DTX4: variants seen among roughly 807,000 people sequenced by gnomAD.
DTX4 encodes E3 ubiquitin-protein ligase DTX4.
DTX4 carries 28 observed loss-of-function variants against 57.6 expected under a neutral mutation model. That is an observed-to-expected ratio of 0.49 (90% CI 0.36 to 0.67). DTX4 has a LOEUF of 0.67. Ranked by LOEUF, DTX4 falls within the 30% of genes least tolerant of loss-of-function variation. The pLI is 0.00. For missense variants in DTX4, 715 were observed against 836.8 expected, an observed-to-expected ratio of 0.85 and a Z score of 1.80; for synonymous variants, 316 against 331.0, an observed-to-expected ratio of 0.95 and a Z score of 0.49.
intron 8 of DTX4, among the ~76,000 whole-genome samples, chr11:59,201,020 T>C (rs565566303): frequency 4.6e-5 from 7 of 152,214 alleles, no homozygotes; most frequent in Non-Finnish European, 7.3e-5. Context: ...TTATAAACAA[T>C]AGACACTTAT....
rs1565216559 is a variant in DTX4 at position 59,182,051 on chromosome 11, C to T, written c.524C>T (p.Pro175Leu). 4.3e-6 allele frequency: 7 copies of T among 1,612,840 alleles called. No homozygotes were observed. The highest frequency in any genetic ancestry group is 5.9e-6 in the Non-Finnish European group (7 of 1,179,184). ...ACCTTGCCTAAGGCTCAGTCCTGGCCAGTCAGCCCTGGGCCAGCCACCTCG... is the reference window on the plus strand; with the variant it reads ...ACCTTGCCTAAGGCTCAGTCCTGGCTAGTCAGCCCTGGGCCAGCCACCTCG... ...TGTLPKAQSWPVSPGPATSPP... is the reference protein window; with the variant it reads ...TGTLPKAQSWLVSPGPATSPP... Residue 175 changes from proline to leucine, a missense_variant, in exon 2 of 9, where the codon CCA becomes CTA. Physicochemically the swap from Pro to Leu is moderately conservative, Grantham distance 98. Coordinates refer to ENST00000227451, the MANE Select transcript of DTX4 (RefSeq NM_015177.2).
intron 7 of DTX4, among the ~76,000 whole-genome samples, chr11:59,197,710 AAG>A (rs1862691626): frequency 6.6e-6 from 1 of 152,152 alleles, no homozygotes; most frequent in South Asian, 2.1e-4. Flanking sequence ...CGGGATAAGG[AAG>A]AGAGAGATAT....
At chr11:59,177,345 C>T (rs1862408444) in intron 1 of DTX4, among the ~76,000 whole-genome samples, 1 of 152,190 alleles carries the variant, frequency 6.6e-6, no homozygotes, top group Non-Finnish European at 1.5e-5. Context: ...CCTCAAACCT[C>T]ACTTGGAAAG....
chr11:59,189,791 T>A lies in DTX4; in HGVS notation c.1159+468T>A, dbSNP rs143883656. 2.6e-5 allele frequency among the ~76,000 whole-genome samples: 4 copies of A among 152,336 alleles called. No individual in the cohort carries two copies. The East Asian group carries it at 5.8e-4, about 22-fold the overall frequency. On this transcript the variant is annotated intron_variant, in intron 4 of 8. Coordinates refer to ENST00000227451, the MANE Select transcript of DTX4 (RefSeq NM_015177.2). Reference sequence around the variant, plus strand: ...CATGACAGTTAGGAAGTAGTCCCTGTCCTGTGTCCCCCTAGAACCTACAGA... The same window carrying A: ...CATGACAGTTAGGAAGTAGTCCCTGACCTGTGTCCCCCTAGAACCTACAGA...
chr11:59,206,509 G>GTATATATATATATATATATATATATA lies in DTX4; in HGVS notation c.*1621_*1622insATATATATATATATATATATATATAT, dbSNP rs3837398. 5 of 142,248 alleles carry GTATATATATATATATATATATATATA rather than the reference G, an allele frequency of 3.5e-5. No homozygotes were observed. Among genetic ancestry groups the GTATATATATATATATATATATATATA allele is most frequent in the African/African-American group, 1.1e-4 (4 of 37,938 alleles). The allele number at this position is 142,248 out of a possible 1,614,324, so 8.8% of individuals were successfully genotyped here. A position where few individuals can be genotyped will look rare whatever the true frequency, so the allele number is the denominator to read the frequency against. ...ATACCTCATGTTTTGGGGGTTTGAC[G>GTATATATATATATATATATATATATA]TATATATATATATATATATATGCAT... is the stretch of plus-strand genomic sequence containing the variant. On this transcript the variant is annotated 3_prime_UTR_variant, in exon 9 of 9. Transcript: ENST00000227451.
At chr11:59,195,644 G>T (rs538015268) in intron 7 of DTX4, among the ~76,000 whole-genome samples, 1 of 151,862 alleles carries the variant, frequency 6.6e-6, no homozygotes, top group East Asian at 1.9e-4. Flanking sequence ...ACATTGTTTG[G>T]CACCCTGCGC....
intron 1 of DTX4, among the ~76,000 whole-genome samples, chr11:59,179,982 A>G (rs1054407647): frequency 6.6e-6 from 1 of 152,178 alleles, no homozygotes; most frequent in Non-Finnish European, 1.5e-5. Flanking sequence ...TGGTTTCTCC[A>G]TCCTGCTTAG....
At position 59,207,611 on chromosome 11, in the gene DTX4, G is replaced by T. The variant is rs146231532; in HGVS notation, c.*2702G>T. 14,070 of 152,732 alleles carry T rather than the reference G, an allele frequency of 0.092. 949 individuals carry two copies. Among genetic ancestry groups the T allele is most frequent in the East Asian group, 0.29 (1,483 of 5,168 alleles). 9.5% of individuals were successfully genotyped at this position (152,732 alleles called of 1,614,324 possible). On this transcript the variant is annotated 3_prime_UTR_variant, in exon 9 of 9. Coordinates refer to ENST00000227451, the MANE Select transcript of DTX4 (RefSeq NM_015177.2). ...GTGAGAACCCTGCCAGCTGAGCCCT[G>T]TGCATCTACTACCTTGACACAGAGT... is the stretch of plus-strand genomic sequence containing the variant.
intron 1 of DTX4, 138 bp downstream of exon 1, chr11:59,172,944 A>G: frequency 1.7e-6 from 1 of 581,630 alleles, no homozygotes; most frequent in African/African-American, 2.0e-5. Context: ...TGGTGGTGGG[A>G]GGCGATTCAC....
Position 59,192,216 on chromosome 11 carries a change from A to G in DTX4, c.1340A>G (p.Tyr447Cys). 1 of 1,613,942 alleles carries G rather than the reference A, an allele frequency of 6.2e-7. No homozygotes were observed. Among genetic ancestry groups the G allele is most frequent in the Non-Finnish European group, 8.5e-7 (1 of 1,179,886 alleles). The change falls in exon 6 of 9, where the codon TAC (tyrosine) becomes TGC (cysteine). Residue 447 changes from tyrosine to cysteine, a missense_variant. Physicochemically the swap from Tyr to Cys is radical, Grantham distance 194. Coordinates refer to ENST00000227451, the MANE Select transcript of DTX4 (RefSeq NM_015177.2). Reference protein sequence around the residue: ...LSRCGHVYHIYCLVAMYNNGN... With the variant: ...LSRCGHVYHICCLVAMYNNGN... The stretch of plus-strand genomic sequence containing the variant: ...AGATGCGGCCACGTCTACCACATCT[A>G]CTGCTTGGTTGCCATGTACAACAAT...
chr11:59,191,033 C>T, intron 4 of DTX4, 81 bp from the exon 5 acceptor site: 2 of 1,361,892 alleles, frequency 1.5e-6, no homozygotes, highest in South Asian at 1.3e-5. Context: ...ATAACGTCCC[C>T]CTCTACCATG....
chr11:59,176,180 C>T (rs1862393390), intron 1 of DTX4, among the ~76,000 whole-genome samples: 1 of 152,158 alleles, frequency 6.6e-6, no homozygotes, highest in African/African-American at 2.4e-5. Context: ...GCCACAAAAC[C>T]CTCTACCCTA....
At position 59,205,062 on chromosome 11, in the gene DTX4, A is replaced by C; in HGVS notation, c.*153A>C. On this transcript the variant is annotated 3_prime_UTR_variant, in exon 9 of 9. Transcript: ENST00000227451. Reference sequence around the variant, plus strand: ...TCCATCCCTCATCCCTCCCAACCACAGTGGGAGCCAGACTGAATATAGCGA... The same window carrying C: ...TCCATCCCTCATCCCTCCCAACCACCGTGGGAGCCAGACTGAATATAGCGA... The C allele has an allele frequency of 6.2e-6, 4 of 645,150 alleles. No homozygotes were observed. The highest frequency in any genetic ancestry group is 1.1e-5 in the Non-Finnish European group (4 of 372,402). 40.0% of individuals were successfully genotyped at this position (645,150 alleles called of 1,614,324 possible). A position where few individuals can be genotyped will look rare whatever the true frequency, so the allele number is the denominator to read the frequency against.
chr11:59,172,877 T>C, intron 1 of DTX4, 71 bp downstream of exon 1: 2 of 1,293,000 alleles, frequency 1.5e-6, no homozygotes, highest in Non-Finnish European at 2.1e-6. Flanking sequence ...CCTCCCTCCC[T>C]GTGAACCCAC....
At chr11:59,191,061 G>A in intron 4 of DTX4, 53 bp from the exon 5 acceptor site, 1 of 1,531,598 alleles carries the variant, frequency 6.5e-7, no homozygotes, top group Non-Finnish European at 8.9e-7. Flanking sequence ...CGACAAGGCT[G>A]TTTGATCTCT....
intron 1 of DTX4, among the ~76,000 whole-genome samples, chr11:59,173,659 C>T (rs1263270271): frequency 1.3e-5 from 2 of 152,138 alleles, no homozygotes; most frequent in South Asian, 2.1e-4. Flanking sequence ...CCTGGAGCGC[C>T]AAACTCCTAT....
Position 59,195,223 on chromosome 11 carries a change from T to C in DTX4, c.1390T>C (p.Cys464Arg). Reference protein sequence around the residue: ...NNGNKDGSLQCPTCKTIYGVK... With the variant: ...NNGNKDGSLQRPTCKTIYGVK... Reference sequence around the variant, plus strand: ...GGCCCCTCAGGATGGAAGTTTGCAGTGTCCAACCTGCAAGACCATTTATGG... The same window carrying C: ...GGCCCCTCAGGATGGAAGTTTGCAGCGTCCAACCTGCAAGACCATTTATGG... The change falls in exon 7 of 9, where the codon TGT (cysteine) becomes CGT (arginine). Residue 464 changes from cysteine to arginine, a missense_variant. Coordinates refer to ENST00000227451, the MANE Select transcript of DTX4 (RefSeq NM_015177.2). 6.2e-7 allele frequency: 1 copy of C among 1,613,992 alleles called. No homozygotes were observed. The highest frequency in any genetic ancestry group is 8.5e-7 in the Non-Finnish European group (1 of 1,179,874).
intron 1 of DTX4, among the ~76,000 whole-genome samples, chr11:59,180,266 G>A (rs1211458321): frequency 2.0e-5 from 3 of 151,954 alleles, no homozygotes; most frequent in Admixed American, 6.5e-5. Flanking sequence ...GCAAACCAGG[G>A]AACTATTGTC....
chr11:59,194,846 G>A (rs1862642302), intron 6 of DTX4: 1 of 274,068 alleles, frequency 3.6e-6, no homozygotes, highest in African/African-American at 2.3e-5. Context: ...TCAGGAACTG[G>A]GCAGTTGCTG....
Sources: gnomAD v4.1 joint callset for allele counts (sites outside exome capture counted in the v4.1 genomes callset) on GRCh38, gnomAD v4.1.1 for gene constraint, MANE v1.5 for transcripts, NCBI Gene and HGNC (gene_info 2026-07-23, HGNC 2026-07-21) for gene names.